Variants in NRG3 observed in about 807,000 individuals in gnomAD.
NRG3 encodes pro-neuregulin-3, membrane-bound isoform.
A neutral mutation model predicts 66.9 loss-of-function variants in NRG3; 31 were observed. The observed-to-expected ratio is 0.46, with a 90% confidence interval of 0.35 to 0.63. The LOEUF (loss-of-function observed/expected upper bound fraction) is 0.63, where lower values mean the gene tolerates loss of function less well. Ranked by LOEUF, NRG3 falls within the 20% of genes least tolerant of loss-of-function variation. The pLI is 0.00. For synonymous variants in NRG3, 393 were observed against 359.4 expected (o/e 1.09, Z -1.06); for missense variants, 910 against 878.9 (o/e 1.04, Z -0.45).
At chr10:82,116,588 C>A (rs143281653) in intron 1 of NRG3, among the ~76,000 whole-genome samples, 180 of 152,220 alleles carry the variant, frequency 1.2e-3, no homozygotes, top group Non-Finnish European at 1.8e-3. Flanking sequence ...AAAGCTTGCT[C>A]ATTTAAGAGC....
At chr10:82,071,749 T>C (rs761304750) in intron 1 of NRG3, among the ~76,000 whole-genome samples, 3 of 152,110 alleles carry the variant, frequency 2.0e-5, no homozygotes, top group Non-Finnish European at 2.9e-5. Flanking sequence ...GTGTCAAGAA[T>C]TGGCTGAAGG....
chr10:81,929,879 A>C (rs2132972078), intron 1 of NRG3, among the ~76,000 whole-genome samples: 1 of 152,344 alleles, frequency 6.6e-6, no homozygotes, highest in South Asian at 2.1e-4. Context: ...GTTCATTTCA[A>C]GAATACTGTA....
chr10:82,212,820 TCTG>T (rs2075465940), intron 1 of NRG3, among the ~76,000 whole-genome samples: 1 of 152,208 alleles, frequency 6.6e-6, no homozygotes, highest in African/African-American at 2.4e-5. Context: ...AGATGTAACA[TCTG>T]ATGTGCATTA....
chr10:82,960,023 T>C (rs1242634195), intron 6 of NRG3, among the ~76,000 whole-genome samples: 1 of 152,178 alleles, frequency 6.6e-6, no homozygotes, highest in East Asian at 1.9e-4. Context: ...TTGAGTATAA[T>C]AGGCAATCAT....
intron 1 of NRG3, among the ~76,000 whole-genome samples, chr10:81,956,430 A>G (rs1267606884): frequency 2.0e-5 from 3 of 152,192 alleles, no homozygotes; most frequent in African/African-American, 7.2e-5. Flanking sequence ...TCATTTGGTG[A>G]TGGTCCATAC....
At chr10:82,782,001 A>G (rs2060135149) in intron 3 of NRG3, among the ~76,000 whole-genome samples, 1 of 152,138 alleles carries the variant, frequency 6.6e-6, no homozygotes, top group South Asian at 2.1e-4. Flanking sequence ...GCTCCCAAGA[A>G]ACCATTGAGA....
intron 2 of NRG3, among the ~76,000 whole-genome samples, chr10:82,419,896 GGTAA>G (rs1029814971): frequency 6.6e-6 from 1 of 152,042 alleles, no homozygotes; most frequent in Non-Finnish European, 1.5e-5. Context: ...CAGTTTATAT[GGTAA>G]GTGACAGAAA....
chr10:82,694,829 C>CA (rs1190858793), intron 2 of NRG3, among the ~76,000 whole-genome samples: 1 of 152,026 alleles, frequency 6.6e-6, no homozygotes, highest in South Asian at 2.1e-4. Context: ...ATTAGTTATA[C>CA]AAAAAACTAT....
chr10:82,505,751 C>A (rs145095504), intron 2 of NRG3, among the ~76,000 whole-genome samples: 1 of 152,130 alleles, frequency 6.6e-6, no homozygotes, highest in Non-Finnish European at 1.5e-5. Flanking sequence ...TTGCTTTGTC[C>A]GGGATTCTTT....
intron 1 of NRG3, among the ~76,000 whole-genome samples, chr10:82,237,426 A>C (rs1452820968): frequency 1.3e-5 from 2 of 152,104 alleles, no homozygotes; most frequent in African/African-American, 4.8e-5. Flanking sequence ...TTCTTACAAC[A>C]ATTTGTAATT....
intron 1 of NRG3, among the ~76,000 whole-genome samples, chr10:81,937,263 CCT>C (rs945212416): frequency 6.6e-6 from 1 of 151,990 alleles, no homozygotes; most frequent in Admixed American, 6.6e-5. Flanking sequence ...TCCTTGAGGT[CCT>C]GTTTTCAGTT....
intron 1 of NRG3, among the ~76,000 whole-genome samples, chr10:82,210,657 A>T (rs534517018): frequency 6.6e-6 from 1 of 152,286 alleles, no homozygotes; most frequent in East Asian, 1.9e-4. Flanking sequence ...TGAGACCAAA[A>T]ATCAAAGAGG....
chr10:82,137,523 T>C (rs1021181484), intron 1 of NRG3, among the ~76,000 whole-genome samples: 1 of 152,198 alleles, frequency 6.6e-6, no homozygotes, highest in Non-Finnish European at 1.5e-5. Context: ...GTTCCACAGC[T>C]TGAGGCAGAA....
At chr10:82,827,475 A>G (rs1482636791) in intron 3 of NRG3, among the ~76,000 whole-genome samples, 1 of 152,176 alleles carries the variant, frequency 6.6e-6, no homozygotes, top group Non-Finnish European at 1.5e-5. Flanking sequence ...CTTTGGCTCC[A>G]TTCAGAGGAA....
chr10:82,470,096 C>T (rs551523194), intron 2 of NRG3, among the ~76,000 whole-genome samples: 16 of 152,280 alleles, frequency 1.1e-4, no homozygotes, highest in Middle Eastern at 3.4e-3. Flanking sequence ...CTCTTTATAA[C>T]CTGTTTCTGA....
intron 1 of NRG3, among the ~76,000 whole-genome samples, chr10:82,269,030 T>A (rs1030923706): frequency 2.6e-5 from 4 of 152,174 alleles, no homozygotes; most frequent in African/African-American, 9.6e-5. Context: ...TCCTTTGCAA[T>A]GCACTTTCAC....
At chr10:81,976,658 T>C (rs1391944582) in intron 1 of NRG3, among the ~76,000 whole-genome samples, 1 of 152,208 alleles carries the variant, frequency 6.6e-6, no homozygotes, top group Non-Finnish European at 1.5e-5. Flanking sequence ...ATAGAGCAGA[T>C]AAACTGTCAC....
intron 4 of NRG3, among the ~76,000 whole-genome samples, chr10:82,939,869 A>C (rs538851768): frequency 6.6e-6 from 1 of 151,594 alleles, no homozygotes; most frequent in African/African-American, 2.4e-5. Context: ...CCCCCACCTC[A>C]AGAAATTGCT....
intron 1 of NRG3, among the ~76,000 whole-genome samples, chr10:82,135,446 T>C (rs1035851554): frequency 7.2e-5 from 11 of 152,132 alleles, no homozygotes; most frequent in Admixed American, 5.9e-4. Flanking sequence ...TTTCTCTCTC[T>C]ACTTCCTTTT....
Sources: gnomAD v4.1 joint callset for allele counts (sites outside exome capture counted in the v4.1 genomes callset) on GRCh38, gnomAD v4.1.1 for gene constraint, MANE v1.5 for transcripts, NCBI Gene and HGNC (gene_info 2026-07-23, HGNC 2026-07-21) for gene names.